Variants in SRPRA observed in about 807,000 individuals in gnomAD.
SRPRA encodes signal recognition particle receptor subunit alpha.
Under a neutral mutation model 61.1 loss-of-function variants are expected in SRPRA, and 30 were observed. The observed-to-expected ratio is 0.49, with a 90% CI of 0.37 to 0.67. The LOEUF is 0.67. SRPRA is among the 30% of genes least tolerant of loss of function. The pLI is 0.00. For synonymous variants in SRPRA, 324 were observed against 299.7 expected (o/e 1.08, Z -0.84); for missense variants, 759 against 828.4 (o/e 0.92, Z 1.03).
At chr11:126,239,777 G>T in the SRPRA span, among the ~76,000 whole-genome samples, 1 of 152,162 alleles carries the variant, frequency 6.6e-6, no homozygotes, top group Admixed American at 6.5e-5. Flanking sequence ...GCCCCCCAAA[G>T]TGCTGGGATT....
At chr11:126,250,715 C>T in the SRPRA span, 13 of 1,612,848 alleles carry the variant, frequency 8.1e-6, no homozygotes, top group African/African-American at 1.6e-4. The surrounding 1 kb of genome is among the most constrained non-coding windows in gnomAD (Gnocchi z 5.1). Flanking sequence ...AATCCCTTGA[C>T]CTTACTGATG....
chr11:126,262,322 C>T, downstream of SRPRA: 2 of 588,884 alleles, frequency 3.4e-6, no homozygotes, highest in Non-Finnish European at 3.0e-6. Flanking sequence ...TCTTGATATT[C>T]TGCCGCCTGT....
At position 126,264,011 on chromosome 11, in the gene SRPRA, T is replaced by C. The variant is rs1324144905; in HGVS notation, c.1822A>G (p.Ser608Gly). The change falls in exon 14 of 14, where the codon AGC becomes GGC. Residue 608 changes from serine (S) to glycine (G), a missense_variant. Coordinates refer to ENST00000332118, the MANE Select transcript of SRPRA (RefSeq NM_003139.4). This position sits in a 1 kb window ranked among gnomAD's most constrained non-coding sequence, Gnocchi z 5.0. ...GTGCCCACAAAGACGATGGGTTTGC[T>C]TGTGATGTACGTCATAGAAATAGCA... Reference protein sequence around the residue: ...GAAISMTYITSKPIVFVGTGQ... With the variant: ...GAAISMTYITGKPIVFVGTGQ... The C allele has an allele frequency of 5.0e-6, 8 of 1,614,046 alleles. No homozygotes were observed. Among genetic ancestry groups the C allele is most frequent in the Non-Finnish European group, 6.8e-6 (8 of 1,180,040 alleles).
downstream of SRPRA, among the ~76,000 whole-genome samples, chr11:126,259,576 C>T (rs1023387946): frequency 1.3e-5 from 2 of 151,990 alleles, no homozygotes; most frequent in Non-Finnish European, 2.9e-5. Flanking sequence ...TAGGCGCCCA[C>T]CACCATGCCC....
At position 126,264,572 on chromosome 11, in the gene SRPRA, T is replaced by TG. The variant is rs948026893; in HGVS notation, c.1526-34dup. Reference sequence around the variant, plus strand: ...AAGAAAGTAGTCAACTCTGAACACCTGGACTACCACTCATGCTCGTTCCCA... The same window carrying TG: ...AAGAAAGTAGTCAACTCTGAACACCTGGGACTACCACTCATGCTCGTTCCCA... On this transcript the variant is annotated intron_variant, in intron 11 of 13. Coordinates refer to ENST00000332118, the MANE Select transcript of SRPRA (RefSeq NM_003139.4). This position sits in a 1 kb window ranked among gnomAD's most constrained non-coding sequence, Gnocchi z 5.0. 5.0e-6 allele frequency: 8 copies of TG among 1,608,956 alleles called. No homozygotes were observed. The African/African-American group carries it at 9.4e-5, about 19-fold the overall frequency.
chr11:126,236,696 A>G, the SRPRA span, among the ~76,000 whole-genome samples: 1 of 150,398 alleles, frequency 6.6e-6, no homozygotes, highest in African/African-American at 2.5e-5. Context: ...ATTTTTTTAA[A>G]ACTCTTGTTA....
chr11:126,262,158 T>G, downstream of SRPRA: 1 of 1,613,366 alleles, frequency 6.2e-7, no homozygotes, highest in Non-Finnish European at 8.5e-7. Flanking sequence ...TCACCACCGT[T>G]TAGACCAAGC....
the SRPRA span, among the ~76,000 whole-genome samples, chr11:126,240,595 A>T: frequency 6.6e-5 from 10 of 152,118 alleles, no homozygotes; most frequent in Non-Finnish European, 1.5e-4. Flanking sequence ...TAGGTTTATG[A>T]CTTGTTTTTC....
chr11:126,256,908 T>G, the SRPRA span: 20 of 1,525,928 alleles, frequency 1.3e-5, no homozygotes, highest in Non-Finnish European at 1.8e-5. The surrounding 1 kb of genome is among the most constrained non-coding windows in gnomAD (Gnocchi z 6.6). Flanking sequence ...TTCAGCCTTT[T>G]GTGTATTTGT....
At chr11:126,250,599 C>A in the SRPRA span, 1 of 1,613,712 alleles carries the variant, frequency 6.2e-7, no homozygotes, top group Non-Finnish European at 8.5e-7. This position sits in a 1 kb window ranked among gnomAD's most constrained non-coding sequence, Gnocchi z 5.1. Context: ...TGGAAAACAG[C>A]TACTTCAGTC....
At chr11:126,262,272 A>AG (rs1210643011), downstream of SRPRA, 3 of 722,354 alleles carry the variant, frequency 4.2e-6, no homozygotes, top group Non-Finnish European at 6.9e-6. Context: ...GGGGTAGAAG[A>AG]GGGGGGAATG....
the SRPRA span, among the ~76,000 whole-genome samples, chr11:126,250,050 C>G: frequency 6.6e-6 from 1 of 151,746 alleles, no homozygotes; most frequent in African/African-American, 2.4e-5. The surrounding 1 kb of genome is among the most constrained non-coding windows in gnomAD (Gnocchi z 5.1). Flanking sequence ...TCTCATCTTC[C>G]TTATTACGTT....
Position 126,267,161 on chromosome 11 carries a change from G to T in SRPRA, c.526+14C>A. ...CCTTTCATGTCCCAGTATATCCAAAGAACTCAAACTTGCCTTCCTTCTTGG... is the reference window on the plus strand; with the variant it reads ...CCTTTCATGTCCCAGTATATCCAAATAACTCAAACTTGCCTTCCTTCTTGG... On this transcript the variant is annotated intron_variant, in intron 4 of 13. Transcript: ENST00000332118. The surrounding 1 kb of genome is among the most constrained non-coding windows in gnomAD (Gnocchi z 4.2). The T allele has an allele frequency of 1.9e-6, 3 of 1,613,846 alleles. No individual in the cohort carries two copies. The highest frequency in any genetic ancestry group is 2.5e-6 in the Non-Finnish European group (3 of 1,179,988).
chr11:126,261,586 C>A (rs1371727923), downstream of SRPRA: 4 of 907,698 alleles, frequency 4.4e-6, no homozygotes, highest in South Asian at 1.5e-5. Flanking sequence ...CTCACATTGC[C>A]AAATTTTAAA....
In SRPRA at chr11:126,265,409, C is replaced by T. The variant is rs1287472003; in HGVS notation, c.1170G>A (p.Gln390=). ...GCTGCAGAATCTGCACCAGGGACTC[C>T]TGTAGGGCTTGCTTTACTGTGGAAG... ...TVTSTVKQAL[Q]ESLVQILQPQ... is the part of the protein sequence containing the mutation. Residue 390 remains glutamine (Q), a synonymous_variant, in exon 10 of 14, where the codon CAG becomes CAA. Coordinates refer to ENST00000332118, the MANE Select transcript of SRPRA (RefSeq NM_003139.4). This position sits in a 1 kb window ranked among gnomAD's most constrained non-coding sequence, Gnocchi z 6.3. 1.2e-6 allele frequency: 2 copies of T among 1,613,562 alleles called. No individual in the cohort carries two copies. Among genetic ancestry groups the T allele is most frequent in the Non-Finnish European group, 1.7e-6 (2 of 1,179,868 alleles).
chr11:126,247,857 C>CA, the SRPRA span, among the ~76,000 whole-genome samples: 27,663 of 124,854 alleles, frequency 0.22, 3,671 homozygotes, highest in East Asian at 0.63. Context: ...GACTCCATCT[C>CA]AAAAAAAAAA....
At chr11:126,266,323 C>T in intron 6 of SRPRA, 45 bp from the exon 7 acceptor site, 1 of 1,605,160 alleles carries the variant, frequency 6.2e-7, no homozygotes, top group Non-Finnish European at 8.5e-7. Flanking sequence ...ACACTAAGGT[C>T]TCTGAGGAAA....
In SRPRA at chr11:126,267,386, A is replaced by G; in HGVS notation, c.366-51T>C. On this transcript the variant is annotated intron_variant, in intron 3 of 13. Coordinates refer to ENST00000332118, the MANE Select transcript of SRPRA (RefSeq NM_003139.4). This position sits in a 1 kb window ranked among gnomAD's most constrained non-coding sequence, Gnocchi z 4.2. Reference sequence around the variant, plus strand: ...CTTTCTACCCCATGCAGAAGGAAAAATAACGGTCCAGAGAAAGGACTCTCA... The same window carrying G: ...CTTTCTACCCCATGCAGAAGGAAAAGTAACGGTCCAGAGAAAGGACTCTCA... 2 of 1,603,912 alleles carry G rather than the reference A, an allele frequency of 1.2e-6. No homozygotes were observed. The highest frequency in any genetic ancestry group is 1.7e-6 in the Non-Finnish European group (2 of 1,175,602).
chr11:126,262,005 A>T (rs765446122), downstream of SRPRA: 5 of 937,150 alleles, frequency 5.3e-6, no homozygotes, highest in Admixed American at 2.6e-5. Flanking sequence ...CAAGATTCCT[A>T]GAATCTCCTG....
Sources: gnomAD v4.1 joint callset for allele counts (sites outside exome capture counted in the v4.1 genomes callset) on GRCh38, gnomAD v4.1.1 for gene constraint, Gnocchi (gnomAD v3.1) non-coding constraint, MANE v1.5 for transcripts, NCBI Gene and HGNC (gene_info 2026-07-23, HGNC 2026-07-21) for gene names.